Variants in DLG2 observed in about 807,000 individuals in gnomAD.
DLG2 encodes the protein discs large MAGUK scaffold protein 2.
In DLG2, 45 loss-of-function variants were observed where a neutral mutation model predicts 132.5. The observed-to-expected ratio is 0.34, with a 90% CI of 0.27 to 0.44. The LOEUF (loss-of-function observed/expected upper bound fraction) is 0.44. Among genes scored for constraint, DLG2 ranks in the 20% least tolerant of loss-of-function variants. The pLI, the probability that DLG2 is intolerant of heterozygous loss-of-function variation, is 1.00. For missense variants in DLG2, 1,045 were observed against 1,196.9 expected (o/e 0.87, Z 1.87); for synonymous variants, 424 against 419.6 (o/e 1.01, Z -0.13).
intron 8 of DLG2, among the ~76,000 whole-genome samples, chr11:84,239,749 A>G (rs947129992): frequency 6.6e-6 from 1 of 152,192 alleles, no homozygotes; most frequent in African/African-American, 2.4e-5. Flanking sequence ...GTCTGTATAG[A>G]TATAGTATAC....
intron 6 of DLG2, among the ~76,000 whole-genome samples, chr11:84,719,337 A>T (rs1462805054): frequency 2.0e-5 from 3 of 152,224 alleles, no homozygotes; most frequent in Non-Finnish European, 4.4e-5. Context: ...TTTCAGATGA[A>T]GAAAGCTCTC....
intron 7 of DLG2, among the ~76,000 whole-genome samples, chr11:84,367,328 G>A (rs1567429185): frequency 6.6e-6 from 1 of 152,076 alleles, no homozygotes; most frequent in Non-Finnish European, 1.5e-5. Context: ...ACTGTAGCAC[G>A]AAAGCAGCCA....
At chr11:84,119,800 AT>A (rs1445617342) in intron 9 of DLG2, among the ~76,000 whole-genome samples, 2 of 152,216 alleles carry the variant, frequency 1.3e-5, no homozygotes, top group Non-Finnish European at 2.9e-5. Context: ...GTTACCTATA[AT>A]AAGGCCCAAC....
rs987819544 is a variant in DLG2, at chr11:84,720,480, G to A, written c.358-185749C>T. On this transcript the variant is annotated intron_variant, in intron 6 of 27. Transcript: ENST00000376104. ...GGCACATGGAGCGACAGCCTAGACC[G>A]AGCTGCCGCTTCGATCACTGCCCCC... The A allele has an allele frequency of 4.1e-6, 4 of 985,202 alleles. No homozygotes were observed. The South Asian group carries it at 1.4e-4, about 35-fold the overall frequency. 61.0% of individuals were successfully genotyped at this position (985,202 alleles called of 1,614,324 possible). A position where few individuals can be genotyped will look rare whatever the true frequency, so the allele number is the denominator to read the frequency against.
At position 84,951,721 on chromosome 11, in the gene DLG2, A is replaced by G. The variant is rs186832491; in HGVS notation, c.357+159940T>C. ...TATATATACACACACGTATATATAT[A>G]ATATTTATAGTGTTTTGTGATTATT... is the stretch of plus-strand genomic sequence containing the variant. On this transcript the variant is annotated intron_variant, in intron 6 of 27. Transcript: ENST00000376104. 3.7e-3 allele frequency among the ~76,000 whole-genome samples: 564 copies of G among 151,162 alleles called. 1 individual carries two copies. Among genetic ancestry groups the G allele is most frequent in the Non-Finnish European group, 6.4e-3 (431 of 67,804 alleles).
Position 83,860,261 on chromosome 11 carries a change from G to A in DLG2, c.1565+14159C>T, listed in dbSNP as rs11233768. On this transcript the variant is annotated intron_variant, in intron 16 of 27. Coordinates refer to ENST00000376104, the MANE Select transcript of DLG2 (RefSeq NM_001142699.3). ...GATCCACTGACAGTTTGCATTATGC[G>A]CCTGAAGAAACCGCAGACACTCAAT... Among the ~76,000 whole-genome samples, 11 of 152,226 alleles carry A rather than the reference G, an allele frequency of 7.2e-5. 1 individual carries two copies. The highest frequency in any genetic ancestry group is 2.6e-4 in the African/African-American group (11 of 41,538).
At chr11:84,528,499 A>G (rs373895660) in intron 7 of DLG2, among the ~76,000 whole-genome samples, 3 of 152,230 alleles carry the variant, frequency 2.0e-5, no homozygotes, top group Admixed American at 6.5e-5. Flanking sequence ...TCAGCTAATG[A>G]TTCAGAGCCC....
chr11:85,607,483 A>G (rs1490877268), intron 2 of DLG2, among the ~76,000 whole-genome samples: 1 of 152,242 alleles, frequency 6.6e-6, no homozygotes, highest in Non-Finnish European at 1.5e-5. Flanking sequence ...AACGCCTGCC[A>G]GATAAACTTC....
At chr11:84,309,845 T>C (rs2098269361) in intron 7 of DLG2, among the ~76,000 whole-genome samples, 1 of 152,230 alleles carries the variant, frequency 6.6e-6, no homozygotes, top group Non-Finnish European at 1.5e-5. Context: ...CTCTGCACTT[T>C]TATTTTGTAT....
chr11:84,839,843 G>A (rs1416733001), intron 6 of DLG2, among the ~76,000 whole-genome samples: 1 of 152,060 alleles, frequency 6.6e-6, no homozygotes, highest in African/African-American at 2.4e-5. Context: ...ATTAATTCGA[G>A]ATAGATTAAA....
intron 18 of DLG2, among the ~76,000 whole-genome samples, chr11:83,720,246 T>C (rs967176000): frequency 8.7e-5 from 10 of 114,650 alleles, no homozygotes; most frequent in Non-Finnish European, 6.5e-5. Context: ...TGAGCCAACA[T>C]CACACCACTG....
At chr11:83,983,887 T>A (rs1482703882) in intron 11 of DLG2, among the ~76,000 whole-genome samples, 1 of 151,990 alleles carries the variant, frequency 6.6e-6, no homozygotes, top group African/African-American at 2.4e-5. Context: ...AATAGGGAAG[T>A]TTTAAAAAAT....
intron 3 of DLG2, among the ~76,000 whole-genome samples, chr11:85,516,900 G>C (rs2094180297): frequency 6.6e-6 from 1 of 151,856 alleles, no homozygotes; most frequent in African/African-American, 2.4e-5. Flanking sequence ...TTGAGGGAAG[G>C]AAATCCTCCC....
At chr11:83,853,555 A>G (rs202009787) in intron 16 of DLG2, among the ~76,000 whole-genome samples, 3 of 152,278 alleles carry the variant, frequency 2.0e-5, no homozygotes, top group East Asian at 3.9e-4. Context: ...CCAGAACACT[A>G]AAGTTATAAT....
chr11:85,417,771 C>A (rs2089985635), intron 3 of DLG2, among the ~76,000 whole-genome samples: 6 of 152,150 alleles, frequency 3.9e-5, no homozygotes, highest in Admixed American at 3.9e-4. Context: ...ATTTGTATTT[C>A]TGTGGCTTCA....
chr11:83,955,654 G>C (rs1299162665), intron 14 of DLG2, among the ~76,000 whole-genome samples: 1 of 152,130 alleles, frequency 6.6e-6, no homozygotes, highest in Non-Finnish European at 1.5e-5. Context: ...AAGACTCCAG[G>C]CTCAGTCAAT....
At chr11:84,661,629 A>C (rs1366803584) in intron 6 of DLG2, among the ~76,000 whole-genome samples, 1 of 152,180 alleles carries the variant, frequency 6.6e-6, no homozygotes. Flanking sequence ...CAGGGATATA[A>C]GAGCAACTAA....
intron 7 of DLG2, among the ~76,000 whole-genome samples, chr11:84,440,520 G>T (rs994647940): frequency 6.6e-6 from 1 of 152,134 alleles, no homozygotes; most frequent in African/African-American, 2.4e-5. Context: ...CTGCTGTAAA[G>T]GTGGCAGCTT....
At chr11:83,517,375 G>T (rs150139545) in intron 21 of DLG2, among the ~76,000 whole-genome samples, 308 of 152,262 alleles carry the variant, frequency 2.0e-3, no homozygotes, top group African/African-American at 7.1e-3. Flanking sequence ...GCTCCGTCAG[G>T]TCCTTTATGG....
Sources: gnomAD v4.1 joint callset for allele counts (sites outside exome capture counted in the v4.1 genomes callset) on GRCh38, gnomAD v4.1.1 for gene constraint, MANE v1.5 for transcripts, NCBI Gene and HGNC (gene_info 2026-07-23, HGNC 2026-07-21) for gene names.